Variants in HIP1 observed in about 807,000 individuals in gnomAD.
The protein encoded by HIP1 is huntingtin interacting protein 1.
HIP1 carries 65 observed loss-of-function variants against 147.6 expected under a neutral mutation model. The ratio of observed to expected loss-of-function variants is 0.44; its 90% CI spans 0.36 to 0.54. The LOEUF is 0.54. Ranked by LOEUF, HIP1 falls within the 20% of genes least tolerant of loss-of-function variation. The probability of loss-of-function intolerance (pLI) is 0.00; values close to 1 mark genes in which losing one functional copy is unlikely to be tolerated. For missense variants in HIP1, 1,061 were observed against 1,299.6 expected, an observed-to-expected ratio of 0.82 and a Z score of 2.82; for synonymous variants, 479 against 504.0, an observed-to-expected ratio of 0.95 and a Z score of 0.67.
intron 1 of HIP1, among the ~76,000 whole-genome samples, chr7:75,615,033 A>G (rs1045046762): frequency 1.0e-3 from 155 of 151,386 alleles, no homozygotes; most frequent in African/African-American, 3.6e-3. Flanking sequence ...TCGGCCTCCC[A>G]AAGTGCTGGG....
chr7:75,574,553 C>A (rs1365469912), intron 7 of HIP1, among the ~76,000 whole-genome samples: 1 of 148,014 alleles, frequency 6.8e-6, no homozygotes, highest in East Asian at 2.0e-4. Flanking sequence ...TGCACCACTG[C>A]ACTCCAGCCT....
At chr7:75,726,379 G>A (rs1217021288) in intron 1 of HIP1, among the ~76,000 whole-genome samples, 1 of 151,778 alleles carries the variant, frequency 6.6e-6, no homozygotes, top group African/African-American at 2.4e-5. Context: ...TGCCTCCCGG[G>A]TTCAAGCGAT....
At chr7:75,660,291 C>T (rs1442711209) in intron 1 of HIP1, among the ~76,000 whole-genome samples, 3 of 150,154 alleles carry the variant, frequency 2.0e-5, no homozygotes, top group Admixed American at 6.7e-5. Flanking sequence ...CTTTGGGAGG[C>T]TGAGGTGGGT....
chr7:75,580,059 C>G (rs1356791781), intron 7 of HIP1, among the ~76,000 whole-genome samples: 1 of 152,136 alleles, frequency 6.6e-6, no homozygotes, highest in Admixed American at 6.6e-5. Flanking sequence ...CTGGAGGCAC[C>G]ACAGTTCTTG....
Position 75,670,786 on chromosome 7 carries a change from C to CTTTTT in HIP1, c.120+68010_120+68014dup, listed in dbSNP as rs782710876. Among the ~76,000 whole-genome samples the CTTTTT allele has an allele frequency of 1.9e-4, 23 of 122,838 alleles. 4 individuals are homozygous for CTTTTT. The highest frequency in any genetic ancestry group is 2.7e-4 in the South Asian group (1 of 3,694). 80.6% of individuals were successfully genotyped at this position (122,838 alleles called of 152,430 possible). A position where few individuals can be genotyped will look rare whatever the true frequency, so the allele number is the denominator to read the frequency against. On this transcript the variant is annotated intron_variant, in intron 1 of 30. Coordinates refer to ENST00000336926, the MANE Select transcript of HIP1 (RefSeq NM_005338.7). ...GCTCACTGTACTCAGCTAATTAAAA[C>CTTTTT]TTTTTTTTTTTTTTTGGTAGAGATA... is the stretch of plus-strand genomic sequence containing the variant.
intron 22 of HIP1, among the ~76,000 whole-genome samples, chr7:75,550,400 T>C (rs1794738940): frequency 6.6e-6 from 1 of 152,148 alleles, no homozygotes; most frequent in African/African-American, 2.4e-5. Flanking sequence ...AGCGTGGTTG[T>C]TGTGTCTTAT....
intron 1 of HIP1, among the ~76,000 whole-genome samples, chr7:75,731,905 CAG>C (rs1434197409): frequency 3.3e-5 from 5 of 152,108 alleles, no homozygotes; most frequent in African/African-American, 1.2e-4. Context: ...ACCAATGAGA[CAG>C]AATCCTTATG....
At chr7:75,538,613 T>C (rs376517032) in intron 30 of HIP1, among the ~76,000 whole-genome samples, 120,877 of 138,684 alleles carry the variant, frequency 0.87, 53,370 homozygotes, top group Middle Eastern at 0.95. Flanking sequence ...CTCGCTCTGT[T>C]GCCCAGGCTG....
intron 30 of HIP1, among the ~76,000 whole-genome samples, chr7:75,538,720 G>T (rs934732117): frequency 5.6e-5 from 8 of 142,572 alleles, no homozygotes; most frequent in Admixed American, 4.9e-4. Context: ...GACTACAGGC[G>T]CCCACCACCA....
chr7:75,708,318 T>A (rs139967574), intron 1 of HIP1, among the ~76,000 whole-genome samples: 1 of 152,166 alleles, frequency 6.6e-6, no homozygotes, highest in African/African-American at 2.4e-5. Flanking sequence ...TTAATGTTGA[T>A]AGTGTCTATT....
chr7:75,735,247 C>T (rs181855237), intron 1 of HIP1, among the ~76,000 whole-genome samples: 21 of 152,294 alleles, frequency 1.4e-4, no homozygotes, highest in Admixed American at 6.5e-4. Flanking sequence ...AACTCCAATG[C>T]CAGCATCTGC....
At chr7:75,605,765 T>A (rs1554503739) in intron 1 of HIP1, among the ~76,000 whole-genome samples, 3 of 152,138 alleles carry the variant, frequency 2.0e-5, no homozygotes, top group African/African-American at 7.2e-5. Flanking sequence ...CAAACTCCTG[T>A]CCTGAGGTGA....
At chr7:75,595,656 C>T (rs782647879) in intron 2 of HIP1, among the ~76,000 whole-genome samples, 13 of 151,952 alleles carry the variant, frequency 8.6e-5, no homozygotes, top group South Asian at 2.1e-4. Context: ...GGTGTAGGAG[C>T]GATTTCTGAA....
intron 1 of HIP1, among the ~76,000 whole-genome samples, chr7:75,646,542 C>T (rs577812741): frequency 6.6e-6 from 1 of 152,354 alleles, no homozygotes; most frequent in South Asian, 2.1e-4. Flanking sequence ...CCAATGTGGA[C>T]ACTGAGATAG....
chr7:75,634,988 C>T (rs1019169627), intron 1 of HIP1, among the ~76,000 whole-genome samples: 4 of 139,442 alleles, frequency 2.9e-5, no homozygotes, highest in Non-Finnish European at 6.2e-5. Flanking sequence ...GCCTTGTATA[C>T]TGTAAAGCAC....
At chr7:75,557,280 A>G (rs794367) in intron 16 of HIP1, among the ~76,000 whole-genome samples, 83,026 of 151,420 alleles carry the variant, frequency 0.55, 22,949 homozygotes, top group Middle Eastern at 0.64. Context: ...TTGGTGATCC[A>G]CACCCCCCTC....
chr7:75,583,955 C>A (rs1228143411), intron 5 of HIP1, among the ~76,000 whole-genome samples: 1 of 147,760 alleles, frequency 6.8e-6, no homozygotes, highest in Non-Finnish European at 1.5e-5. Flanking sequence ...TTAATGTGTG[C>A]GGGATATTTT....
At chr7:75,595,190 TTCTTTCTTTC>T (rs1796647550) in intron 2 of HIP1, among the ~76,000 whole-genome samples, 1 of 35,718 alleles carries the variant, frequency 2.8e-5, no homozygotes, top group African/African-American at 9.0e-5. Flanking sequence ...TAGGAGTCCT[TTCTTTCTTTC>T]TTTCTTTCTT....
Position 75,581,300 on chromosome 7 carries a change from TG to T in HIP1, c.543-3del. ...AACATCTCCACTGTTAACTGGAAAC[TG>T]GACCCAAGAGGAAAGAGAGCTTACA... On this transcript the variant is annotated splice_region_variant and splice_polypyrimidine_tract_variant and intron_variant, in intron 6 of 30. Transcript: ENST00000336926. 1 of 1,610,590 alleles carries T rather than the reference TG, an allele frequency of 6.2e-7. No homozygotes were observed. Among genetic ancestry groups the T allele is most frequent in the Non-Finnish European group, 8.5e-7 (1 of 1,178,080 alleles).
Sources: allele counts gnomAD v4.1 joint callset (sites outside exome capture counted in the v4.1 genomes callset), GRCh38; gene constraint gnomAD v4.1.1; transcripts MANE v1.5; gene names NCBI Gene and HGNC (gene_info 2026-07-23, HGNC 2026-07-21).